The following NRXN3 variants were observed in gnomAD, a reference collection of about 807,000 sequenced individuals.
The protein encoded by NRXN3 is neurexin III.
In NRXN3, 32 loss-of-function variants were observed where a neutral mutation model predicts 137.6. That is an observed-to-expected ratio of 0.23 (90% CI 0.18 to 0.31). The LOEUF is 0.31. Ranked by LOEUF, NRXN3 falls within the 10% of genes least tolerant of loss-of-function variation. The probability of loss-of-function intolerance (pLI) is 1.00; values close to 1 mark genes in which losing one functional copy is unlikely to be tolerated. For missense variants in NRXN3, 1,574 were observed against 2,062.5 expected (o/e 0.76, Z 4.59); for synonymous variants, 798 against 784.5 (o/e 1.02, Z -0.29).
At chr14:78,176,580 T>G (rs1240724056) in intron 1 of NRXN3, among the ~76,000 whole-genome samples, 1 of 152,064 alleles carries the variant, frequency 6.6e-6, no homozygotes, top group Non-Finnish European at 1.5e-5. Flanking sequence ...AAAAGGGAGA[T>G]GAATCATCTG....
intron 16 of NRXN3, among the ~76,000 whole-genome samples, chr14:79,546,586 C>T (rs146624992): frequency 1.3e-5 from 2 of 152,062 alleles, no homozygotes; most frequent in African/African-American, 2.4e-5. Flanking sequence ...ACCCTTTTGG[C>T]GGGTAGTAGA....
At chr14:78,704,067 C>G (rs1594932017) in intron 6 of NRXN3, among the ~76,000 whole-genome samples, 1 of 152,144 alleles carries the variant, frequency 6.6e-6, no homozygotes, top group African/African-American at 2.4e-5. Context: ...AACAGAGTGG[C>G]CTGGGATAAG....
chr14:79,422,034 T>C (rs2095583740), intron 15 of NRXN3, among the ~76,000 whole-genome samples: 1 of 152,104 alleles, frequency 6.6e-6, no homozygotes, highest in African/African-American at 2.4e-5. Flanking sequence ...CAAAGTTACA[T>C]GTAGAGTGAG....
intron 4 of NRXN3, among the ~76,000 whole-genome samples, chr14:78,482,503 A>G (rs1180177371): frequency 6.6e-6 from 1 of 152,188 alleles, no homozygotes; most frequent in Non-Finnish European, 1.5e-5. Flanking sequence ...CTTGAAATGC[A>G]GTCAGGACGT....
intron 4 of NRXN3, among the ~76,000 whole-genome samples, chr14:78,373,735 C>T (rs1451284694): frequency 6.6e-6 from 1 of 152,152 alleles, no homozygotes. Flanking sequence ...CTGGTGCCAT[C>T]TGCAAGGGAG....
At position 79,861,444 on chromosome 14, in the gene NRXN3, G is replaced by C. The variant is rs1247492592; in HGVS notation, c.4196G>C (p.Arg1399Thr). ...CCTAACAAAGTCTCCGAAACTAGTAGGACTACTACCACATCTTTATCCCCT... is the reference window on the plus strand; with the variant it reads ...CCTAACAAAGTCTCCGAAACTAGTACGACTACTACCACATCTTTATCCCCT... ...FRPNKVSETSRTTTTSLSPEL... is the reference protein window; with the variant it reads ...FRPNKVSETSTTTTTSLSPEL... Residue 1399 changes from arginine to threonine, a missense_variant, in exon 21 of 21, where the codon AGG (arginine) becomes ACG (threonine). Coordinates refer to ENST00000335750, the MANE Select transcript of NRXN3 (RefSeq NM_001330195.2). This position sits in a 1 kb window ranked among gnomAD's most constrained non-coding sequence, Gnocchi z 5.4. 2.0e-5 allele frequency: 31 copies of C among 1,536,458 alleles called. 1 individual carries two copies. In the Admixed American group the frequency reaches 6.1e-4, roughly 30 times the overall value.
chr14:78,907,667 G>T (rs528438204), intron 10 of NRXN3, among the ~76,000 whole-genome samples: 24 of 152,124 alleles, frequency 1.6e-4, no homozygotes, highest in African/African-American at 5.8e-4. Flanking sequence ...AAGTCCAGGG[G>T]CATAAGTGTA....
At chr14:78,531,853 T>C (rs752756664) in intron 4 of NRXN3, among the ~76,000 whole-genome samples, 1 of 152,170 alleles carries the variant, frequency 6.6e-6, no homozygotes, top group Non-Finnish European at 1.5e-5. Context: ...GTAAAGCTTT[T>C]GGGGGAAGGT....
chr14:79,113,041 A>G (rs1473573750), intron 15 of NRXN3, among the ~76,000 whole-genome samples: 1 of 152,142 alleles, frequency 6.6e-6, no homozygotes, highest in Non-Finnish European at 1.5e-5. Context: ...CTCTGTTGAC[A>G]TTTTCAAATA....
chr14:78,363,894 A>T (rs1431498323), intron 4 of NRXN3, among the ~76,000 whole-genome samples: 1 of 152,206 alleles, frequency 6.6e-6, no homozygotes, highest in Non-Finnish European at 1.5e-5. Context: ...CCCTTCTCAA[A>T]TTCTTGTGAA....
chr14:79,494,879 A>G (rs565242378), intron 16 of NRXN3, among the ~76,000 whole-genome samples: 23 of 152,302 alleles, frequency 1.5e-4, no homozygotes, highest in African/African-American at 4.6e-4. Flanking sequence ...AATCCAATCC[A>G]GGATACCACA....
chr14:79,432,487 G>A (rs2095778004), intron 15 of NRXN3, among the ~76,000 whole-genome samples: 1 of 151,832 alleles, frequency 6.6e-6, no homozygotes, highest in Non-Finnish European at 1.5e-5. Context: ...ATCTTCTGTT[G>A]GTATTATTTT....
intron 4 of NRXN3, among the ~76,000 whole-genome samples, chr14:78,422,693 A>G (rs141848205): frequency 7.9e-5 from 12 of 152,366 alleles, no homozygotes; most frequent in Middle Eastern, 3.4e-3. Flanking sequence ...TGCTAGAGGC[A>G]CTAAGACTTT....
chr14:79,016,117 T>C (rs1374326806), intron 15 of NRXN3, among the ~76,000 whole-genome samples: 1 of 152,110 alleles, frequency 6.6e-6, no homozygotes, highest in Admixed American at 6.6e-5. Flanking sequence ...AGCCACAAGC[T>C]GAGAGGGCTT....
At chr14:78,506,662 TTTTTTTTTTTTAG>T (rs1296037051) in intron 4 of NRXN3, among the ~76,000 whole-genome samples, 3 of 101,486 alleles carry the variant, frequency 3.0e-5, no homozygotes, top group African/African-American at 1.1e-4. Context: ...TTTTTTTTTT[TTTTTTTTTTTTAG>T]GAGATGGGGG....
chr14:78,293,344 G>A (rs2075993852), intron 3 of NRXN3, among the ~76,000 whole-genome samples: 1 of 152,088 alleles, frequency 6.6e-6, no homozygotes, highest in African/African-American at 2.4e-5. Context: ...CTCTCAGACT[G>A]TAGTCTTACA....
At chr14:78,224,348 A>G (rs754578560) in intron 1 of NRXN3, among the ~76,000 whole-genome samples, 13 of 152,090 alleles carry the variant, frequency 8.5e-5, no homozygotes, top group Non-Finnish European at 1.6e-4. Context: ...ATATGTATAC[A>G]TGTGCCATGC....
intron 10 of NRXN3, among the ~76,000 whole-genome samples, chr14:78,935,428 A>G (rs932854782): frequency 6.6e-6 from 1 of 152,176 alleles, no homozygotes; most frequent in African/African-American, 2.4e-5. Flanking sequence ...AAGGAACTCA[A>G]ATTTGAGGAT....
At chr14:78,230,815 G>A (rs2065293181) in intron 1 of NRXN3, among the ~76,000 whole-genome samples, 1 of 152,170 alleles carries the variant, frequency 6.6e-6, no homozygotes, top group South Asian at 2.1e-4. Context: ...AAAGGCCACA[G>A]GGAGGACTTT....
Sources: allele counts gnomAD v4.1 joint callset (sites outside exome capture counted in the v4.1 genomes callset), GRCh38; gene constraint gnomAD v4.1.1; non-coding constraint Gnocchi (gnomAD v3.1); transcripts MANE v1.5; gene names NCBI Gene and HGNC (gene_info 2026-07-23, HGNC 2026-07-21).